Variants in TEX11 observed in about 807,000 individuals in gnomAD.
The protein encoded by TEX11 is testis-expressed protein 11.
In TEX11, 7 loss-of-function variants were observed where a neutral mutation model predicts 84.4. The ratio of observed to expected loss-of-function variants is 0.08; its 90% CI spans 0.05 to 0.16. The LOEUF is 0.16. TEX11 is among the 10% of genes least tolerant of loss of function. TEX11 has a pLI of 1.00. For missense variants in TEX11, 551 were observed against 660.5 expected (o/e 0.83, Z 1.82); for synonymous variants, 264 against 222.8 (o/e 1.18, Z -1.64).
At chrX:70,618,758 G>T (rs2089348137) in intron 20 of TEX11, among the ~76,000 whole-genome samples, 1 of 112,067 alleles carries the variant, frequency 8.9e-6, no homozygotes, top group Non-Finnish European at 1.9e-5. Flanking sequence ...ACCAATTTGG[G>T]CTGCTGAGTC....
chrX:70,793,049 C>T (rs1449874582), intron 9 of TEX11, among the ~76,000 whole-genome samples: 3 of 111,580 alleles, frequency 2.7e-5, no homozygotes, highest in Non-Finnish European at 5.6e-5. Context: ...ATATTCAAAT[C>T]AATGAATGTG....
intron 18 of TEX11, among the ~76,000 whole-genome samples, chrX:70,628,148 T>C (rs966061632): frequency 9.2e-6 from 1 of 108,745 alleles, no homozygotes; most frequent in African/African-American, 3.4e-5. Flanking sequence ...AAGAATCACT[T>C]GAACCTGAGA....
chrX:70,695,325 A>C (rs995170283), intron 13 of TEX11, among the ~76,000 whole-genome samples: 12 of 112,434 alleles, frequency 1.1e-4, no homozygotes, highest in African/African-American at 3.9e-4. Context: ...GATATATGCA[A>C]CAACATAGGT....
At chrX:70,519,432 A>G in the TEX11 span, among the ~76,000 whole-genome samples, 1 of 112,261 alleles carries the variant, frequency 8.9e-6, no homozygotes, top group African/African-American at 3.2e-5. Context: ...AGAATGTTGA[A>G]TATTGGCCCC....
At chrX:70,595,431 C>T (rs1009223734) in intron 24 of TEX11, among the ~76,000 whole-genome samples, 1 of 111,214 alleles carries the variant, frequency 9.0e-6, no homozygotes, top group Admixed American at 9.7e-5. Flanking sequence ...TAAAGTGATA[C>T]TATAAGATGT....
intron 16 of TEX11, among the ~76,000 whole-genome samples, chrX:70,654,546 A>G (rs1292289228): frequency 1.8e-5 from 2 of 109,406 alleles, no homozygotes; most frequent in African/African-American, 6.7e-5. Flanking sequence ...CCCCATCTCT[A>G]CTAAAAATAT....
chrX:70,716,452 C>T (rs1409685232), intron 13 of TEX11, among the ~76,000 whole-genome samples: 1 of 111,054 alleles, frequency 9.0e-6, no homozygotes, highest in Non-Finnish European at 1.9e-5. Context: ...TTCGAGCTTC[C>T]CAGCCTCTTT....
chrX:70,714,617 CT>C (rs1380581960), intron 13 of TEX11, among the ~76,000 whole-genome samples: 1 of 111,418 alleles, frequency 9.0e-6, no homozygotes, highest in Non-Finnish European at 1.9e-5. Context: ...ATTGCAACCC[CT>C]GCCTTTGTTT....
chrX:70,679,986 C>T (rs2090129224), intron 14 of TEX11, among the ~76,000 whole-genome samples: 1 of 94,518 alleles, frequency 1.1e-5, no homozygotes, highest in Non-Finnish European at 2.2e-5. Context: ...CCCGGCCAGC[C>T]GCCCCGTCCG....
the TEX11 span, among the ~76,000 whole-genome samples, chrX:70,522,209 G>C: frequency 4.5e-5 from 5 of 111,658 alleles, no homozygotes; most frequent in African/African-American, 1.6e-4. Flanking sequence ...GTGTTACCTT[G>C]GTTAAGTTAC....
intron 3 of TEX11, among the ~76,000 whole-genome samples, chrX:70,878,057 T>C (rs1602204716): frequency 9.2e-6 from 1 of 108,608 alleles, no homozygotes; most frequent in African/African-American, 3.4e-5. Flanking sequence ...TTTACCGCAA[T>C]AAAAAACACA....
At chrX:70,815,125 T>A (rs1408324315) in intron 8 of TEX11, among the ~76,000 whole-genome samples, 1 of 111,983 alleles carries the variant, frequency 8.9e-6, no homozygotes, top group Non-Finnish European at 1.9e-5. Flanking sequence ...CAACTAGCGA[T>A]ACTAATGAGT....
intron 9 of TEX11, among the ~76,000 whole-genome samples, chrX:70,805,075 A>C (rs918827761): frequency 9.5e-6 from 1 of 105,786 alleles, no homozygotes; most frequent in African/African-American, 3.5e-5. Flanking sequence ...TTCTACTCCC[A>C]AATACTGTCA....
chrX:70,555,952 T>TA (rs765921064), intron 25 of TEX11, among the ~76,000 whole-genome samples: 3 of 112,040 alleles, frequency 2.7e-5, no homozygotes, highest in Non-Finnish European at 3.8e-5. Context: ...TATTACCTTT[T>TA]AAAATGTCTG....
chrX:70,655,843 CG>C (rs1462244674), intron 16 of TEX11, among the ~76,000 whole-genome samples: 1 of 109,841 alleles, frequency 9.1e-6, no homozygotes, highest in Non-Finnish European at 1.9e-5. Context: ...AAACTAATAC[CG>C]TATCTATACA....
At chrX:70,728,797 A>G (rs2090620264) in intron 11 of TEX11, among the ~76,000 whole-genome samples, 1 of 91,126 alleles carries the variant, frequency 1.1e-5, no homozygotes, top group African/African-American at 4.1e-5. Flanking sequence ...TCCCTGTCTG[A>G]CAGCTTTGAA....
chrX:70,664,480 A>T (rs1326801221), intron 16 of TEX11, among the ~76,000 whole-genome samples: 1 of 111,845 alleles, frequency 8.9e-6, no homozygotes, highest in African/African-American at 3.2e-5. Context: ...TCATATGTAC[A>T]TTCAATCAAT....
chrX:70,896,738 G>A (rs1022674272), intron 2 of TEX11, among the ~76,000 whole-genome samples: 1 of 110,976 alleles, frequency 9.0e-6, no homozygotes, highest in African/African-American at 3.3e-5. Context: ...GATGAAGCTG[G>A]AAACCATCAT....
chrX:70,627,846 ATTG>A (rs956623568), intron 18 of TEX11, among the ~76,000 whole-genome samples: 13 of 111,513 alleles, frequency 1.2e-4, no homozygotes, highest in African/African-American at 4.2e-4. Flanking sequence ...ATATTTTCTT[ATTG>A]TTTAGAGAAT....
Sources: allele counts gnomAD v4.1 joint callset (sites outside exome capture counted in the v4.1 genomes callset), GRCh38; gene constraint gnomAD v4.1.1; transcripts MANE v1.5; gene names NCBI Gene and HGNC (gene_info 2026-07-23, HGNC 2026-07-21).